CACNA2D3: variants seen among roughly 807,000 people sequenced by gnomAD.
The protein encoded by CACNA2D3 is calcium voltage-gated channel auxiliary subunit alpha2delta 3, also known as voltage-dependent calcium channel subunit alpha-2/delta-3.
Under a neutral mutation model 160.6 loss-of-function variants are expected in CACNA2D3, and 60 were observed. That is an observed-to-expected ratio of 0.37 (90% CI 0.30 to 0.46). CACNA2D3 has a LOEUF of 0.46. Ranked by LOEUF, CACNA2D3 falls within the 20% of genes least tolerant of loss-of-function variation. The pLI, the probability that CACNA2D3 is intolerant of heterozygous loss-of-function variation, is 1.00. For synonymous variants in CACNA2D3, 558 were observed against 492.9 expected (o/e 1.13, Z -1.75); for missense variants, 1,205 against 1,365.0 (o/e 0.88, Z 1.85).
At chr3:54,933,051 C>CCCTCCCTCCCTCCCTTCCTT (rs1366811478) in intron 27 of CACNA2D3, among the ~76,000 whole-genome samples, 4 of 139,542 alleles carry the variant, frequency 2.9e-5, no homozygotes, top group African/African-American at 1.1e-4. Context: ...ATCCATCCCT[C>CCCTCCCTCCCTCCCTTCCTT]CCTTCCTTCC....
intron 2 of CACNA2D3, among the ~76,000 whole-genome samples, chr3:54,270,570 C>T (rs1440707491): frequency 4.6e-5 from 7 of 152,310 alleles, no homozygotes; most frequent in Middle Eastern, 3.4e-3. Flanking sequence ...TGGCTTAAAA[C>T]GACTCCCATT....
intron 30 of CACNA2D3, among the ~76,000 whole-genome samples, chr3:54,987,116 G>C (rs536366041): frequency 6.6e-6 from 1 of 152,218 alleles, no homozygotes; most frequent in South Asian, 2.1e-4. Context: ...CAAGGGGCTG[G>C]ATAGTCTTAC....
At chr3:54,489,931 G>A (rs1477863630) in intron 4 of CACNA2D3, among the ~76,000 whole-genome samples, 1 of 152,072 alleles carries the variant, frequency 6.6e-6, no homozygotes, top group African/African-American at 2.4e-5. Context: ...TTTCACATAT[G>A]AGGAGAAAAT....
intron 2 of CACNA2D3, among the ~76,000 whole-genome samples, chr3:54,318,790 G>C (rs989627736): frequency 6.6e-6 from 1 of 150,912 alleles, no homozygotes; most frequent in Non-Finnish European, 1.5e-5. Context: ...AACCTCCCAG[G>C]CTCAAGCAAT....
intron 2 of CACNA2D3, among the ~76,000 whole-genome samples, chr3:54,137,978 A>G (rs1246534722): frequency 1.3e-5 from 2 of 152,256 alleles, no homozygotes; most frequent in South Asian, 4.1e-4. Flanking sequence ...AGTAATAACG[A>G]TCAGTGGTGA....
chr3:54,430,284 T>C (rs1414875138), intron 4 of CACNA2D3, among the ~76,000 whole-genome samples: 1 of 152,240 alleles, frequency 6.6e-6, no homozygotes, highest in Non-Finnish European at 1.5e-5. Flanking sequence ...GTTGTGTTGC[T>C]ATTTTTTACT....
chr3:54,290,747 A>G (rs1016402877), intron 2 of CACNA2D3, among the ~76,000 whole-genome samples: 1 of 152,106 alleles, frequency 6.6e-6, no homozygotes. Flanking sequence ...TGATGAGTTC[A>G]TGTCCTTTGT....
At chr3:54,653,665 CAA>C (rs1332180477) in intron 11 of CACNA2D3, among the ~76,000 whole-genome samples, 3 of 152,168 alleles carry the variant, frequency 2.0e-5, no homozygotes, top group African/African-American at 7.2e-5. Flanking sequence ...AAGAACATGA[CAA>C]GACAAGTTAG....
rs368073604 is a variant in CACNA2D3 at position 54,838,686 on chromosome 3, A to G, written c.1551+38A>G. On this transcript the variant is annotated intron_variant, in intron 16 of 37. Coordinates refer to ENST00000474759, the MANE Select transcript of CACNA2D3 (RefSeq NM_018398.3). ...CTAATCCCTGAAATCAAAGCAACAG[A>G]GATGCCCAGAGCCTTGTTTTCACAA... 3.2e-5 allele frequency: 45 copies of G among 1,416,468 alleles called. 1 individual carries two copies. In the African/African-American group the frequency reaches 5.9e-4, roughly 19 times the overall value. 87.7% of individuals were successfully genotyped at this position (1,416,468 alleles called of 1,614,324 possible).
chr3:54,253,950 A>G (rs898763220), intron 2 of CACNA2D3, among the ~76,000 whole-genome samples: 4 of 151,970 alleles, frequency 2.6e-5, no homozygotes, highest in African/African-American at 9.7e-5. Context: ...GTATTTTAGT[A>G]GAGATGGGGT....
chr3:54,374,478 G>C (rs976838221), intron 3 of CACNA2D3, among the ~76,000 whole-genome samples: 1 of 152,302 alleles, frequency 6.6e-6, no homozygotes, highest in Non-Finnish European at 1.5e-5. Context: ...GAGTCAGCAG[G>C]CATTCTCCAA....
At chr3:54,918,756 G>C in intron 27 of CACNA2D3, 1 of 1,614,088 alleles carries the variant, frequency 6.2e-7, no homozygotes. Flanking sequence ...GGGCAGAGCC[G>C]GGCCACTGAG....
chr3:54,273,263 C>G (rs1702658447), intron 2 of CACNA2D3: 1 of 152,162 alleles, frequency 6.6e-6, no homozygotes, highest in Non-Finnish European at 1.5e-5. Context: ...GGTTTGGATT[C>G]GTCTCGTTAC....
At chr3:54,364,853 A>G (rs903652976) in intron 3 of CACNA2D3, among the ~76,000 whole-genome samples, 4 of 152,252 alleles carry the variant, frequency 2.6e-5, no homozygotes, top group African/African-American at 9.6e-5. Flanking sequence ...GTAAATAATC[A>G]TATTTAGCTT....
intron 27 of CACNA2D3, among the ~76,000 whole-genome samples, chr3:54,955,228 G>A (rs1259767253): frequency 6.6e-6 from 1 of 152,078 alleles, no homozygotes; most frequent in Non-Finnish European, 1.5e-5. Flanking sequence ...TGGAGGAGAC[G>A]GGCAGACATT....
intron 35 of CACNA2D3, among the ~76,000 whole-genome samples, chr3:55,042,212 G>T (rs1223659052): frequency 6.6e-6 from 1 of 152,074 alleles, no homozygotes; most frequent in African/African-American, 2.4e-5. Context: ...ATTTATGGCT[G>T]AAATGTTTGA....
chr3:54,581,441 G>T (rs372451019), intron 8 of CACNA2D3, among the ~76,000 whole-genome samples: 1 of 152,132 alleles, frequency 6.6e-6, no homozygotes, highest in East Asian at 1.9e-4. Flanking sequence ...CTGTATCCAC[G>T]CAACTCTGGG....
At chr3:54,565,214 G>T (rs1399313539) in intron 6 of CACNA2D3, among the ~76,000 whole-genome samples, 1 of 152,182 alleles carries the variant, frequency 6.6e-6, no homozygotes, top group African/African-American at 2.4e-5. Context: ...TGCCTAGACT[G>T]CATCCCCAAA....
At chr3:54,942,778 G>A (rs1470066628) in intron 27 of CACNA2D3, among the ~76,000 whole-genome samples, 2 of 152,044 alleles carry the variant, frequency 1.3e-5, no homozygotes, top group East Asian at 3.9e-4. Context: ...TAATCCCAGA[G>A]CTTTGGGAGG....
Sources: gnomAD v4.1 joint callset for allele counts (sites outside exome capture counted in the v4.1 genomes callset) on GRCh38, gnomAD v4.1.1 for gene constraint, MANE v1.5 for transcripts, NCBI Gene and HGNC (gene_info 2026-07-23, HGNC 2026-07-21) for gene names.